The following PRR16 variants were observed in gnomAD, a reference collection of about 807,000 sequenced individuals.
PRR16 encodes the protein proline rich 16, also known as protein Largen.
PRR16 carries 6 observed loss-of-function variants against 18.2 expected under a neutral mutation model. The ratio of observed to expected loss-of-function variants is 0.33; its 90% CI spans 0.18 to 0.65. PRR16 has a LOEUF of 0.65. PRR16 is among the 30% of genes least tolerant of loss of function. PRR16 has a pLI of 0.74. For missense variants in PRR16, 412 were observed against 376.6 expected, an observed-to-expected ratio of 1.09 and a Z score of -0.78; for synonymous variants, 151 against 147.8, an observed-to-expected ratio of 1.02 and a Z score of -0.16.
At chr5:120,649,420 A>G (rs1755701539) in intron 1 of PRR16, among the ~76,000 whole-genome samples, 1 of 152,180 alleles carries the variant, frequency 6.6e-6, no homozygotes, top group Non-Finnish European at 1.5e-5. Flanking sequence ...ATGAATGAAA[A>G]TAGCAGAATC....
At chr5:120,533,055 C>G (rs1035926180) in intron 1 of PRR16, among the ~76,000 whole-genome samples, 2 of 152,132 alleles carry the variant, frequency 1.3e-5, no homozygotes, top group Non-Finnish European at 2.9e-5. Context: ...GCTGTTTCCA[C>G]CTTGTGGGGG....
intron 1 of PRR16, among the ~76,000 whole-genome samples, chr5:120,660,573 T>C (rs1451005590): frequency 6.6e-6 from 1 of 152,100 alleles, no homozygotes; most frequent in Non-Finnish European, 1.5e-5. Flanking sequence ...ATTTAAGACA[T>C]GCTCTTGTTT....
intron 1 of PRR16, among the ~76,000 whole-genome samples, chr5:120,532,339 C>T (rs1469665926): frequency 1.3e-5 from 2 of 151,866 alleles, no homozygotes; most frequent in African/African-American, 4.8e-5. Flanking sequence ...TAATTTTTCT[C>T]CTTGAATTTA....
At chr5:120,660,239 A>G (rs1756130596) in intron 1 of PRR16, among the ~76,000 whole-genome samples, 1 of 152,050 alleles carries the variant, frequency 6.6e-6, no homozygotes, top group Admixed American at 6.6e-5. Flanking sequence ...TTCAAATTGT[A>G]TTTCTTAGGA....
intron 1 of PRR16, among the ~76,000 whole-genome samples, chr5:120,517,448 T>G (rs1751034217): frequency 6.6e-6 from 1 of 152,196 alleles, no homozygotes; most frequent in Non-Finnish European, 1.5e-5. Flanking sequence ...TGGAGACATA[T>G]GTTTTTTTAA....
intron 1 of PRR16, among the ~76,000 whole-genome samples, chr5:120,581,390 C>A (rs1227822092): frequency 8.6e-5 from 13 of 151,942 alleles, no homozygotes; most frequent in Admixed American, 8.5e-4. Flanking sequence ...TTGTATTGTG[C>A]CTATCTGATT....
At chr5:120,580,011 A>T (rs1753214525) in intron 1 of PRR16, among the ~76,000 whole-genome samples, 1 of 152,162 alleles carries the variant, frequency 6.6e-6, no homozygotes, top group South Asian at 2.1e-4. Flanking sequence ...ATGAGAGTTC[A>T]TTCATGATTT....
chr5:120,538,279 G>C (rs1003032350), intron 1 of PRR16, among the ~76,000 whole-genome samples: 4 of 152,150 alleles, frequency 2.6e-5, no homozygotes, highest in Non-Finnish European at 5.9e-5. Flanking sequence ...TACTGGTTTA[G>C]TTTAATTGAT....
chr5:120,604,656 C>A (rs1399723667), intron 1 of PRR16, among the ~76,000 whole-genome samples: 3 of 152,032 alleles, frequency 2.0e-5, no homozygotes, highest in Admixed American at 2.0e-4. Flanking sequence ...GGGGTATGTA[C>A]TTAAATATGT....
chr5:120,676,589 A>T (rs1279605561), intron 1 of PRR16, among the ~76,000 whole-genome samples: 1 of 151,920 alleles, frequency 6.6e-6, no homozygotes, highest in Non-Finnish European at 1.5e-5. Flanking sequence ...TATCAAGGAA[A>T]AAAGAAAGAG....
At chr5:120,510,260 G>A (rs1234167420) in intron 1 of PRR16, among the ~76,000 whole-genome samples, 2 of 152,070 alleles carry the variant, frequency 1.3e-5, no homozygotes, top group Non-Finnish European at 2.9e-5. Context: ...TTTATGATTG[G>A]CAGAACACTT....
At chr5:120,637,455 T>C (rs775054788) in intron 1 of PRR16, among the ~76,000 whole-genome samples, 1 of 151,732 alleles carries the variant, frequency 6.6e-6, no homozygotes, top group African/African-American at 2.4e-5. Context: ...GTATGTATCA[T>C]GGAATACTAC....
At chr5:120,625,663 C>T (rs924979408) in intron 1 of PRR16, among the ~76,000 whole-genome samples, 2 of 152,014 alleles carry the variant, frequency 1.3e-5, no homozygotes, top group Non-Finnish European at 2.9e-5. Context: ...TGCTCTCCCC[C>T]GTATAAAAAC....
At chr5:120,472,840 G>T (rs1749313437) in intron 1 of PRR16, among the ~76,000 whole-genome samples, 1 of 152,114 alleles carries the variant, frequency 6.6e-6, no homozygotes, top group South Asian at 2.1e-4. Context: ...ATGCTTGTGT[G>T]TCTGAAAGTT....
chr5:120,595,222 A>G (rs1381640687), intron 1 of PRR16, among the ~76,000 whole-genome samples: 1 of 151,998 alleles, frequency 6.6e-6, no homozygotes, highest in Non-Finnish European at 1.5e-5. Flanking sequence ...AATCTATAAG[A>G]AACTTAACGA....
chr5:120,596,280 C>CATCTGGAT (rs1244990472), intron 1 of PRR16, among the ~76,000 whole-genome samples: 8 of 151,626 alleles, frequency 5.3e-5, no homozygotes, highest in African/African-American at 1.9e-4. Flanking sequence ...ACCTAAACTT[C>CATCTGGAT]ATCTGGATAC....
chr5:120,775,174 C>A, the PRR16 span, among the ~76,000 whole-genome samples: 1 of 152,146 alleles, frequency 6.6e-6, no homozygotes, highest in African/African-American at 2.4e-5. Flanking sequence ...CCACTTTAAC[C>A]AACATGTTGA....
chr5:120,547,465 G>A (rs1056189295), intron 1 of PRR16, among the ~76,000 whole-genome samples: 20 of 152,046 alleles, frequency 1.3e-4, no homozygotes, highest in African/African-American at 4.6e-4. Flanking sequence ...ACTTAAGAAG[G>A]TTGGCTGAGT....
intron 1 of PRR16, among the ~76,000 whole-genome samples, chr5:120,542,665 G>T (rs1751952430): frequency 6.6e-6 from 1 of 152,088 alleles, no homozygotes; most frequent in African/African-American, 2.4e-5. Context: ...AAGGTGTCAT[G>T]GTCTATGTCA....
Sources: allele counts gnomAD v4.1 joint callset (sites outside exome capture counted in the v4.1 genomes callset), GRCh38; gene constraint gnomAD v4.1.1; transcripts MANE v1.5; gene names NCBI Gene and HGNC (gene_info 2026-07-23, HGNC 2026-07-21).